The following C12orf42 variants were observed in gnomAD, a reference collection of about 807,000 sequenced individuals.
The protein encoded by C12orf42 is uncharacterized protein C12orf42.
In C12orf42, 25 loss-of-function variants were observed where a neutral mutation model predicts 21.6. The ratio of observed to expected loss-of-function variants is 1.16; its 90% CI spans 0.84 to 1.62. The LOEUF (loss-of-function observed/expected upper bound fraction) is 1.62. Among genes scored for constraint, C12orf42 ranks in the 40% most tolerant of loss-of-function variants. The probability of loss-of-function intolerance (pLI) is 0.00; values close to 1 mark genes in which losing one functional copy is unlikely to be tolerated. For missense variants in C12orf42, 483 were observed against 459.3 expected, an observed-to-expected ratio of 1.05 and a Z score of -0.47; for synonymous variants, 174 against 175.0, an observed-to-expected ratio of 0.99 and a Z score of 0.05.
chr12:103,260,752 T>A (rs562785572), intron 10 of C12orf42, among the ~76,000 whole-genome samples: 4 of 152,320 alleles, frequency 2.6e-5, no homozygotes, highest in African/African-American at 9.6e-5. Context: ...CAAATGCATA[T>A]CTGTTTTTGC....
At chr12:103,235,891 A>G (rs2033452833), downstream of C12orf42, among the ~76,000 whole-genome samples, 1 of 152,178 alleles carries the variant, frequency 6.6e-6, no homozygotes, top group Non-Finnish European at 1.5e-5. Context: ...TAACTATGGA[A>G]TAACTTAGTT....
intron 3 of C12orf42, among the ~76,000 whole-genome samples, chr12:103,370,801 G>A (rs936988146): frequency 6.6e-6 from 1 of 152,056 alleles, no homozygotes; most frequent in African/African-American, 2.4e-5. Context: ...TACCTGGTGA[G>A]GAAGTTGTCT....
the C12orf42 span, among the ~76,000 whole-genome samples, chr12:103,111,136 T>C: frequency 6.6e-6 from 1 of 152,178 alleles, no homozygotes; most frequent in Admixed American, 6.5e-5. Context: ...TAGCTTTTAT[T>C]TGTGATTTCC....
the C12orf42 span, among the ~76,000 whole-genome samples, chr12:103,060,859 C>T: frequency 2.6e-5 from 4 of 152,080 alleles, no homozygotes; most frequent in African/African-American, 4.8e-5. Flanking sequence ...AAACCCAAAA[C>T]CATAAAAACC....
Position 103,368,891 on chromosome 12 carries a change from A to G in C12orf42, c.255T>C (p.Phe85=). The G allele has an allele frequency of 1.3e-6, 2 of 1,527,312 alleles. 1 individual carries two copies. The highest frequency in any genetic ancestry group is 2.4e-5 in the South Asian group (2 of 84,956). 94.6% of individuals were successfully genotyped at this position (1,527,312 alleles called of 1,614,324 possible). The change falls in exon 4 of 6, where the codon TTT becomes TTC. Residue 85 remains phenylalanine, a synonymous_variant. Coordinates refer to ENST00000548883, the MANE Select transcript of C12orf42 (RefSeq NM_198521.5). ...PKFRSLHFLN[F]PVFPERTQNS... is the part of the protein sequence containing the mutation. ...TGGGATTATGTCTTAATTTACCTGG[A>G]AAATTCAGAAAGTGTAGACTACGAA...
chr12:103,183,466 T>G, the C12orf42 span, among the ~76,000 whole-genome samples: 3 of 152,246 alleles, frequency 2.0e-5, no homozygotes. Context: ...TTATTTTTAT[T>G]TTGTCAGTCT....
chr12:103,131,920 G>T, the C12orf42 span, among the ~76,000 whole-genome samples: 5 of 152,162 alleles, frequency 3.3e-5, no homozygotes, highest in Non-Finnish European at 7.4e-5. Flanking sequence ...TAGCGAAGGA[G>T]TGATGTTGGT....
At chr12:103,332,362 A>G (rs2041311888) in intron 4 of C12orf42, among the ~76,000 whole-genome samples, 1 of 152,190 alleles carries the variant, frequency 6.6e-6, no homozygotes, top group African/African-American at 2.4e-5. Flanking sequence ...GGGTGGTACA[A>G]TTGGGTGTTT....
chr12:103,306,218 G>A lies in C12orf42; in HGVS notation c.387C>T (p.Ser129=), dbSNP rs776357950. The A allele has an allele frequency of 1.9e-6, 3 of 1,613,828 alleles. No homozygotes were observed. Among genetic ancestry groups the A allele is most frequent in the South Asian group, 1.1e-5 (1 of 91,086 alleles). The change falls in exon 5 of 6, where the codon TCC becomes TCT. Residue 129 remains serine (S), a synonymous_variant. Coordinates refer to ENST00000548883, the MANE Select transcript of C12orf42 (RefSeq NM_198521.5). ...CAGTTTCACTGGATGGTGCTGGAGA[G>A]GAACGGAATTCTTCATAGCTTTCTT... ...FDEESYEEFR[S]SPAPSSETDE... is the part of the protein sequence containing the mutation.
At chr12:103,270,014 C>G (rs1162004981) in intron 5 of C12orf42, 1 of 152,086 alleles carries the variant, frequency 6.6e-6, no homozygotes, top group African/African-American at 2.4e-5. Context: ...GAATGAGTCT[C>G]AGAGTTTATA....
At chr12:103,121,758 T>C in the C12orf42 span, among the ~76,000 whole-genome samples, 1 of 152,242 alleles carries the variant, frequency 6.6e-6, no homozygotes, top group East Asian at 1.9e-4. Context: ...CTATTCAGAC[T>C]AGATGAAAAG....
At chr12:103,460,259 C>T (rs2137651065) in intron 2 of C12orf42, among the ~76,000 whole-genome samples, 1 of 130,526 alleles carries the variant, frequency 7.7e-6, no homozygotes, top group Middle Eastern at 3.8e-3. Context: ...CTCTTCCAAA[C>T]ATTGGACAGA....
chr12:103,520,506 T>A, the C12orf42 span, among the ~76,000 whole-genome samples: 1 of 151,772 alleles, frequency 6.6e-6, no homozygotes, highest in Admixed American at 6.6e-5. Flanking sequence ...CTGGGCAACA[T>A]AATAAGACCT....
chr12:103,563,006 C>T, the C12orf42 span, among the ~76,000 whole-genome samples: 1 of 152,196 alleles, frequency 6.6e-6, no homozygotes, highest in Non-Finnish European at 1.5e-5. Flanking sequence ...TCCCTTACTT[C>T]AATGAACAAA....
chr12:103,194,855 G>T, the C12orf42 span, among the ~76,000 whole-genome samples: 4 of 152,114 alleles, frequency 2.6e-5, no homozygotes, highest in South Asian at 6.2e-4. Flanking sequence ...TGGGTAAATT[G>T]TGTATTGGTG....
At chr12:103,341,435 G>C (rs2042166011) in intron 4 of C12orf42, among the ~76,000 whole-genome samples, 1 of 152,026 alleles carries the variant, frequency 6.6e-6, no homozygotes, top group African/African-American at 2.4e-5. Flanking sequence ...ACAAAAGAGA[G>C]AGTTAAATGT....
chr12:103,560,579 TAC>T, the C12orf42 span, among the ~76,000 whole-genome samples: 1 of 152,230 alleles, frequency 6.6e-6, no homozygotes, highest in Non-Finnish European at 1.5e-5. Flanking sequence ...GGTACAAGGA[TAC>T]ATAGCTTTCA....
chr12:103,499,597 T>A (rs1054087130), upstream of C12orf42, among the ~76,000 whole-genome samples: 1 of 152,210 alleles, frequency 6.6e-6, no homozygotes, highest in Admixed American at 6.5e-5. Context: ...GAATGTGGAT[T>A]TTGTCCTGAG....
chr12:103,513,133 G>T, the C12orf42 span, among the ~76,000 whole-genome samples: 2 of 152,104 alleles, frequency 1.3e-5, no homozygotes, highest in Non-Finnish European at 2.9e-5. Flanking sequence ...CAGTTCCTGT[G>T]GCTCCAATGA....
Sources: gnomAD v4.1 joint callset for allele counts (sites outside exome capture counted in the v4.1 genomes callset) on GRCh38, gnomAD v4.1.1 for gene constraint, MANE v1.5 for transcripts, NCBI Gene and HGNC (gene_info 2026-07-23, HGNC 2026-07-21) for gene names.